Variants in TBCE observed in about 807,000 individuals in gnomAD.
TBCE encodes tubulin folding cofactor E, also known as tubulin-specific chaperone E.
Under a neutral mutation model 77.0 loss-of-function variants are expected in TBCE, and 53 were observed. That is an observed-to-expected ratio of 0.69 (90% CI 0.55 to 0.87). TBCE has a LOEUF of 0.87. TBCE is among the 40% of genes least tolerant of loss of function. TBCE has a pLI of 0.00. For synonymous variants in TBCE, 235 were observed against 241.3 expected (o/e 0.97, Z 0.24); for missense variants, 624 against 622.4 (o/e 1.00, Z -0.03).
intron 3 of TBCE, among the ~76,000 whole-genome samples, chr1:235,404,075 A>G (rs1199797435): frequency 6.6e-6 from 1 of 152,164 alleles, no homozygotes; most frequent in African/African-American, 2.4e-5. Flanking sequence ...TCAGGAGTTC[A>G]AGACCAGCCT....
intron 1 of TBCE, among the ~76,000 whole-genome samples, chr1:235,375,030 C>T (rs1226976676): frequency 1.4e-5 from 2 of 145,350 alleles, no homozygotes; most frequent in African/African-American, 2.6e-5. Context: ...ACACCATTCT[C>T]CTGCCTCAGC....
chr1:235,423,075 G>GTAT (rs1316475407), intron 5 of TBCE, among the ~76,000 whole-genome samples: 1 of 152,214 alleles, frequency 6.6e-6, no homozygotes, highest in East Asian at 1.9e-4. Flanking sequence ...AGAAGTTGAA[G>GTAT]TATTGCTTTG....
At chr1:235,395,646 G>A (rs988720170) in intron 2 of TBCE, among the ~76,000 whole-genome samples, 2 of 151,566 alleles carry the variant, frequency 1.3e-5, no homozygotes, top group Non-Finnish European at 2.9e-5. Context: ...CTGGGTTCAA[G>A]CAATTCTTCT....
intron 2 of TBCE, among the ~76,000 whole-genome samples, chr1:235,385,088 C>A (rs1006654823): frequency 3.3e-5 from 5 of 152,130 alleles, no homozygotes; most frequent in African/African-American, 1.2e-4. Context: ...AGTAGTCATT[C>A]AGGAGCAGGT....
At chr1:235,371,933 C>T (rs531031364) in intron 1 of TBCE, among the ~76,000 whole-genome samples, 2 of 152,076 alleles carry the variant, frequency 1.3e-5, no homozygotes, top group Admixed American at 6.6e-5. Context: ...CTTGGCCTCC[C>T]GAAGTGCTGG....
chr1:235,436,302 A>G (rs1054628230), intron 9 of TBCE, 84 bp from the exon 10 acceptor site: 1 of 1,374,660 alleles, frequency 7.3e-7, no homozygotes, highest in Non-Finnish European at 1.0e-6. Flanking sequence ...GGTGTAGGAA[A>G]AAAATTTACA....
intron 2 of TBCE, among the ~76,000 whole-genome samples, chr1:235,387,291 C>G (rs908598460): frequency 6.6e-6 from 1 of 152,306 alleles, no homozygotes; most frequent in East Asian, 1.9e-4. Context: ...TCTCAGATCT[C>G]CAGCTGCATG....
chr1:235,370,709 C>T (rs535806182), intron 1 of TBCE, among the ~76,000 whole-genome samples: 28 of 150,792 alleles, frequency 1.9e-4, no homozygotes, highest in African/African-American at 6.6e-4. Flanking sequence ...ATCTTCTACA[C>T]TTCATATTTT....
At chr1:235,448,461 C>CAA (rs1329018821) in intron 16 of TBCE, 21 bp downstream of exon 16, 4 of 1,604,750 alleles carry the variant, frequency 2.5e-6, no homozygotes, top group Admixed American at 1.7e-5. Flanking sequence ...CAGCAAAATA[C>CAA]AAAGTCAAAG....
chr1:235,376,786 C>G (rs1391613173), intron 1 of TBCE, among the ~76,000 whole-genome samples: 1 of 152,016 alleles, frequency 6.6e-6, no homozygotes, highest in African/African-American at 2.4e-5. Flanking sequence ...CCAGCCTGGC[C>G]CACATGGTGA....
intron 1 of TBCE, among the ~76,000 whole-genome samples, chr1:235,376,545 T>C (rs966288669): frequency 3.3e-5 from 5 of 152,120 alleles, no homozygotes; most frequent in African/African-American, 1.2e-4. Context: ...ATTTTATTCG[T>C]CCCTCTTCTT....
At chr1:235,402,049 C>T in intron 3 of TBCE, among the ~76,000 whole-genome samples, 1 of 150,896 alleles carries the variant, frequency 6.6e-6, no homozygotes, top group Non-Finnish European at 1.5e-5. Flanking sequence ...TTACATGTCA[C>T]ATTGCATTTC....
chr1:235,369,481 T>C (rs911973013), intron 1 of TBCE, among the ~76,000 whole-genome samples: 1 of 150,888 alleles, frequency 6.6e-6, no homozygotes, highest in African/African-American at 2.4e-5. Context: ...CACTCCAGCC[T>C]GGCGATAGAG....
At chr1:235,430,983 C>T (rs190329950) in intron 7 of TBCE, among the ~76,000 whole-genome samples, 179 bp downstream of exon 7, 7 of 152,242 alleles carry the variant, frequency 4.6e-5, no homozygotes, top group Admixed American at 3.9e-4. Flanking sequence ...AAAAGAGCAT[C>T]ATAGTTGAGT....
At chr1:235,420,069 CAAGACTTCATCTCAAAAAAA>C (rs1248226189) in intron 5 of TBCE, among the ~76,000 whole-genome samples, 1 of 149,074 alleles carries the variant, frequency 6.7e-6, no homozygotes, top group Non-Finnish European at 1.5e-5. Flanking sequence ...GGAGACAGAA[CAAGACTTCATCTCAAAAAAA>C]AAGAAAGGGG....
chr1:235,389,173 A>C (rs1048500083), intron 2 of TBCE, among the ~76,000 whole-genome samples: 4 of 152,252 alleles, frequency 2.6e-5, no homozygotes, highest in Admixed American at 6.5e-5. Context: ...ATGATAGTTT[A>C]GCAAACGTGA....
intron 14 of TBCE, 47 bp downstream of exon 14, chr1:235,441,929 G>A (rs1371972999): frequency 6.5e-7 from 1 of 1,535,708 alleles, no homozygotes; most frequent in Middle Eastern, 1.8e-4. Flanking sequence ...GAGTGCTTAG[G>A]TGCTGAAACA....
chr1:235,447,345 G>GTATC (rs1485432599), intron 15 of TBCE, among the ~76,000 whole-genome samples: 2 of 152,148 alleles, frequency 1.3e-5, no homozygotes, highest in African/African-American at 2.4e-5. Context: ...CACTATTGCT[G>GTATC]TATCTCCAGC....
intron 3 of TBCE, among the ~76,000 whole-genome samples, chr1:235,409,592 A>T (rs1020334670): frequency 1.3e-5 from 2 of 151,934 alleles, no homozygotes; most frequent in Non-Finnish European, 2.9e-5. Context: ...AGGGCATAGC[A>T]TCCGTTTTGC....
Sources: gnomAD v4.1 joint callset for allele counts (sites outside exome capture counted in the v4.1 genomes callset) on GRCh38, gnomAD v4.1.1 for gene constraint, MANE v1.5 for transcripts, NCBI Gene and HGNC (gene_info 2026-07-23, HGNC 2026-07-21) for gene names.